SSH2: variants seen among roughly 807,000 people sequenced by gnomAD.
The protein encoded by SSH2 is protein phosphatase Slingshot homolog 2.
A neutral mutation model predicts 135.2 loss-of-function variants in SSH2; 37 were observed. The ratio of observed to expected loss-of-function variants is 0.27; its 90% confidence interval spans 0.21 to 0.36. SSH2 has a LOEUF of 0.36. Ranked by LOEUF, SSH2 falls within the 10% of genes least tolerant of loss-of-function variation. The pLI, the probability that SSH2 is intolerant of heterozygous loss-of-function variation, is 1.00. For synonymous variants in SSH2, 628 were observed against 646.2 expected (o/e 0.97, Z 0.43); for missense variants, 1,408 against 1,765.3 (o/e 0.80, Z 3.63).
At chr17:29,693,338 ATCT>A (rs903862813) in intron 5 of SSH2, among the ~76,000 whole-genome samples, 10 of 151,630 alleles carry the variant, frequency 6.6e-5, no homozygotes, top group Non-Finnish European at 1.5e-4. Flanking sequence ...TTGAGACAGA[ATCT>A]TCTTCTGTCA....
intron 8 of SSH2, among the ~76,000 whole-genome samples, chr17:29,673,607 C>A (rs2037585115): frequency 6.6e-6 from 1 of 151,622 alleles, no homozygotes; most frequent in Non-Finnish European, 1.5e-5. Flanking sequence ...TCCCTCATAG[C>A]AAAAGTGATC....
chr17:29,886,179 G>A (rs1440961052), intron 1 of SSH2, among the ~76,000 whole-genome samples: 1 of 152,124 alleles, frequency 6.6e-6, no homozygotes, highest in East Asian at 1.9e-4. Flanking sequence ...ATATGGGAAA[G>A]TTTGTAACTT....
intron 5 of SSH2, among the ~76,000 whole-genome samples, chr17:29,688,431 A>C (rs2038321219): frequency 6.6e-6 from 1 of 152,236 alleles, no homozygotes; most frequent in South Asian, 2.1e-4. Context: ...GACATTTAAT[A>C]CTGACTTAGG....
chr17:29,865,326 G>A (rs2065835217), intron 1 of SSH2, among the ~76,000 whole-genome samples: 1 of 152,216 alleles, frequency 6.6e-6, no homozygotes. Context: ...AGCTTGGAGG[G>A]AAGAAAGAGA....
At chr17:29,787,838 C>T (rs1329081947) in intron 3 of SSH2, 2 of 151,744 alleles carry the variant, frequency 1.3e-5, no homozygotes, top group African/African-American at 4.9e-5. Flanking sequence ...CTCAAGCAGT[C>T]TTCCCACCTC....
chr17:29,779,101 CGGAA>C (rs1315273190), intron 3 of SSH2, among the ~76,000 whole-genome samples: 1 of 150,180 alleles, frequency 6.7e-6, no homozygotes, highest in African/African-American at 2.5e-5. Flanking sequence ...TTTTTTCTAA[CGGAA>C]GGAAGGAAGG....
At chr17:29,737,613 T>C (rs1417811690) in intron 3 of SSH2, among the ~76,000 whole-genome samples, 1 of 152,238 alleles carries the variant, frequency 6.6e-6, no homozygotes, top group Non-Finnish European at 1.5e-5. Flanking sequence ...CCCTTTCGTC[T>C]TCAACAAGTC....
At chr17:29,650,228 A>G (rs1177887063) in intron 13 of SSH2, among the ~76,000 whole-genome samples, 1 of 152,248 alleles carries the variant, frequency 6.6e-6, no homozygotes, top group Non-Finnish European at 1.5e-5. Flanking sequence ...ATAAAAATAA[A>G]GTAAGAGAGT....
chr17:29,763,946 CTTTTT>C (rs57261890), intron 3 of SSH2, among the ~76,000 whole-genome samples: 6 of 139,736 alleles, frequency 4.3e-5, no homozygotes, highest in Non-Finnish European at 7.7e-5. Flanking sequence ...ATGTCTCCTG[CTTTTT>C]TTTTTTTTTT....
At chr17:29,635,491 G>A (rs890367212) in intron 15 of SSH2, among the ~76,000 whole-genome samples, 4 of 151,814 alleles carry the variant, frequency 2.6e-5, no homozygotes, top group Non-Finnish European at 5.9e-5. Context: ...TGCAAGCTCC[G>A]CCTCCTGGGT....
intron 2 of SSH2, among the ~76,000 whole-genome samples, chr17:29,804,843 CT>C (rs531310094): frequency 0.083 from 8,250 of 99,028 alleles, 255 homozygotes; most frequent in African/African-American, 0.26. Context: ...CCACATCTGG[CT>C]TTTTTTTTTT....
chr17:29,859,885 T>C (rs1009757289), intron 1 of SSH2, among the ~76,000 whole-genome samples: 1 of 152,128 alleles, frequency 6.6e-6, no homozygotes, highest in African/African-American at 2.4e-5. Context: ...TCGCTCTTGT[T>C]TTCCAGGCTG....
chr17:29,667,355 T>A (rs1013119410), intron 9 of SSH2, 132 bp from the exon 10 acceptor site: 1 of 697,244 alleles, frequency 1.4e-6, no homozygotes, highest in Non-Finnish European at 2.4e-6. Context: ...GTTCTAGAGA[T>A]CAACAACTTA....
intron 1 of SSH2, among the ~76,000 whole-genome samples, chr17:29,857,600 C>T (rs903607300): frequency 9.2e-5 from 14 of 152,144 alleles, no homozygotes; most frequent in African/African-American, 3.4e-4. Flanking sequence ...AGCGATCCTC[C>T]CATCTCAGCC....
In SSH2 at chr17:29,630,824, CAT is replaced by C. The variant is rs765807564; in HGVS notation, c.*15_*16del. ...TACAAACATTTCTTCTAGAAAGTCA[CAT>C]GTGTAGGCTCAGAATCACATGGTAT... is the stretch of plus-strand genomic sequence containing the variant. On this transcript the variant is annotated 3_prime_UTR_variant, in exon 16 of 16. Transcript: ENST00000540801. 19 of 1,517,274 alleles carry C rather than the reference CAT, an allele frequency of 1.3e-5. No homozygotes were observed. The highest frequency in any genetic ancestry group is 9.3e-5 in the South Asian group (7 of 75,648). 94.0% of individuals were successfully genotyped at this position (1,517,274 alleles called of 1,614,324 possible).
At chr17:29,682,936 T>C (rs2038045052) in intron 6 of SSH2, among the ~76,000 whole-genome samples, 1 of 152,206 alleles carries the variant, frequency 6.6e-6, no homozygotes, top group African/African-American at 2.4e-5. Flanking sequence ...TTAAGTGGTA[T>C]ACAAGCTAAT....
intron 3 of SSH2, among the ~76,000 whole-genome samples, chr17:29,744,125 T>C (rs150895002): frequency 1.4e-3 from 212 of 152,204 alleles, no homozygotes; most frequent in Non-Finnish European, 1.6e-3. Flanking sequence ...AATGTTTCTC[T>C]AGGTGAAAAG....
chr17:29,806,764 C>T (rs992916108), intron 2 of SSH2, among the ~76,000 whole-genome samples: 1 of 152,180 alleles, frequency 6.6e-6, no homozygotes, highest in African/African-American at 2.4e-5. Flanking sequence ...CTACTTATAG[C>T]CACATCTCTT....
chr17:29,634,140 A>G (rs1055899623), intron 15 of SSH2, among the ~76,000 whole-genome samples: 2 of 152,240 alleles, frequency 1.3e-5, no homozygotes. Context: ...CTCAGTAGAA[A>G]GGAAACAGGG....
Sources: allele counts gnomAD v4.1 joint callset (sites outside exome capture counted in the v4.1 genomes callset), GRCh38; gene constraint gnomAD v4.1.1; transcripts MANE v1.5; gene names NCBI Gene and HGNC (gene_info 2026-07-23, HGNC 2026-07-21).